The following AP3B1 variants were observed in gnomAD, a reference collection of about 807,000 sequenced individuals.
AP3B1 encodes adaptor related protein complex 3 subunit beta 1.
Under a neutral mutation model 132.5 loss-of-function variants are expected in AP3B1, and 61 were observed. The ratio of observed to expected loss-of-function variants is 0.46; its 90% CI spans 0.37 to 0.57. The LOEUF is 0.57. Ranked by LOEUF, AP3B1 falls within the 20% of genes least tolerant of loss-of-function variation. The probability of loss-of-function intolerance (pLI) is 0.00; values close to 1 mark genes in which losing one functional copy is unlikely to be tolerated. For synonymous variants in AP3B1, 388 were observed against 438.3 expected, an observed-to-expected ratio of 0.89 and a Z score of 1.43; for missense variants, 1,120 against 1,289.4, an observed-to-expected ratio of 0.87 and a Z score of 2.01.
In AP3B1 at chr5:78,267,546, GT is replaced by G. The variant is rs869312838; in HGVS notation, c.177del (p.Lys59AsnfsTer5). The G allele has an allele frequency of 4.3e-6, 7 of 1,611,484 alleles. No homozygotes were observed. The highest frequency in any genetic ancestry group is 5.9e-6 in the Non-Finnish European group (7 of 1,178,536). ...CCAACAATCCGCTTCATAGCATCCA[GT>G]TTAGCAGAATCTTTGTTGCTCTCTA... is the stretch of plus-strand genomic sequence containing the variant. ...QMLESNKDSA[K>X]LDAMKRIVGM... is the part of the protein sequence containing the mutation. On this transcript the variant is annotated frameshift_variant, in exon 2 of 27. Coordinates refer to ENST00000255194, the MANE Select transcript of AP3B1 (RefSeq NM_003664.5). LOFTEE classifies it high-confidence loss of function.
chr5:78,281,083 T>A (rs1245747278), intron 1 of AP3B1, among the ~76,000 whole-genome samples: 1 of 152,036 alleles, frequency 6.6e-6, no homozygotes, highest in African/African-American at 2.4e-5. Flanking sequence ...AGGAATAGAA[T>A]CTAAAAGTGC....
chr5:78,082,936 C>A (rs889443417), intron 22 of AP3B1, among the ~76,000 whole-genome samples: 1 of 152,050 alleles, frequency 6.6e-6, no homozygotes, highest in African/African-American at 2.4e-5. Context: ...CTGTCTCAGC[C>A]TCCCAAGTAG....
Position 78,098,978 on chromosome 5 carries a change from C to T in AP3B1, c.2470+1975G>A, listed in dbSNP as rs545364152. ...TGAACATTTATGTCCCTCCAAAATT[C>T]GTGTTGAAACCTAATCCAGACTATG... is the stretch of plus-strand genomic sequence containing the variant. On this transcript the variant is annotated intron_variant, in intron 21 of 26. Transcript: ENST00000255194. 5.9e-5 allele frequency among the ~76,000 whole-genome samples: 9 copies of T among 152,250 alleles called. No individual in the cohort carries two copies. In the South Asian group the frequency reaches 1.7e-3, roughly 28 times the overall value.
intron 7 of AP3B1, among the ~76,000 whole-genome samples, chr5:78,206,492 T>C (rs1312795975): frequency 6.6e-6 from 1 of 152,168 alleles, no homozygotes; most frequent in African/African-American, 2.4e-5. Flanking sequence ...AGACTGTTGA[T>C]TACCTCCAAC....
At chr5:78,096,182 C>T (rs547386190) in intron 21 of AP3B1, among the ~76,000 whole-genome samples, 1 of 152,324 alleles carries the variant, frequency 6.6e-6, no homozygotes, top group East Asian at 1.9e-4. Flanking sequence ...GGCTGGTTTT[C>T]GTATTTTTTT....
At chr5:78,025,329 G>A (rs958772598) in intron 24 of AP3B1, among the ~76,000 whole-genome samples, 2 of 152,204 alleles carry the variant, frequency 1.3e-5, no homozygotes, top group African/African-American at 2.4e-5. Flanking sequence ...AGAGAGAAGA[G>A]GCAGGAGATC....
chr5:78,140,540 C>T lies in AP3B1; in HGVS notation c.1650+603G>A, dbSNP rs1051270402. Among the ~76,000 whole-genome samples, 16 of 152,310 alleles carry T rather than the reference C, an allele frequency of 1.1e-4. No individual in the cohort carries two copies. The East Asian group carries it at 3.1e-3, about 29-fold the overall frequency. ...TCACTGTGTCCTCACATGGCAGAAGCAGCAAGCTAGCTCTCAGGGATCTCT... is the reference window on the plus strand; with the variant it reads ...TCACTGTGTCCTCACATGGCAGAAGTAGCAAGCTAGCTCTCAGGGATCTCT... On this transcript the variant is annotated intron_variant, in intron 15 of 26. Coordinates refer to ENST00000255194, the MANE Select transcript of AP3B1 (RefSeq NM_003664.5).
intron 11 of AP3B1, among the ~76,000 whole-genome samples, chr5:78,173,601 T>C (rs1341475099): frequency 6.6e-6 from 1 of 151,870 alleles, no homozygotes; most frequent in East Asian, 1.9e-4. Context: ...ATTTGTTTGG[T>C]ACATCTTCCT....
At chr5:78,040,417 T>C (rs1431219888) in intron 22 of AP3B1, among the ~76,000 whole-genome samples, 3 of 152,218 alleles carry the variant, frequency 2.0e-5, no homozygotes, top group African/African-American at 7.2e-5. Context: ...TTTGTAGACC[T>C]ACAATATAAT....
chr5:78,266,488 T>C (rs996349387), intron 2 of AP3B1, among the ~76,000 whole-genome samples: 1 of 152,176 alleles, frequency 6.6e-6, no homozygotes, highest in Admixed American at 6.5e-5. Context: ...AGCATGCTGA[T>C]ACCTGTTATT....
chr5:78,038,874 G>A (rs570046898), intron 23 of AP3B1, among the ~76,000 whole-genome samples, 169 bp downstream of exon 23: 17 of 152,214 alleles, frequency 1.1e-4, no homozygotes, highest in African/African-American at 4.1e-4. Flanking sequence ...TATCTTATAT[G>A]ATAAATTCAG....
At chr5:78,080,964 T>A (rs1414847891) in intron 22 of AP3B1, among the ~76,000 whole-genome samples, 1 of 152,146 alleles carries the variant, frequency 6.6e-6, no homozygotes, top group Admixed American at 6.5e-5. Context: ...ATCAGGTAAG[T>A]AAGTTTTCAG....
chr5:78,062,299 G>A (rs1197127200), intron 22 of AP3B1, among the ~76,000 whole-genome samples: 4 of 152,070 alleles, frequency 2.6e-5, no homozygotes, highest in Non-Finnish European at 4.4e-5. Context: ...AACTCAGCAG[G>A]ATTCCTTCTG....
intron 22 of AP3B1, among the ~76,000 whole-genome samples, chr5:78,052,757 A>C (rs905991317): frequency 6.6e-6 from 1 of 152,210 alleles, no homozygotes; most frequent in Non-Finnish European, 1.5e-5. Context: ...CTTCACTATC[A>C]ATACACTTAC....
chr5:78,281,434 C>CAAAAAAAAAAAAAAAAAAAAAAAAAAA (rs36002317), intron 1 of AP3B1, among the ~76,000 whole-genome samples: 2 of 68,256 alleles, frequency 2.9e-5, no homozygotes, highest in African/African-American at 6.1e-5. Context: ...AACTCTGCCT[C>CAAAAAAAAAAAAAAAAAAAAAAAAAAA]AAAAAAAAAA....
intron 2 of AP3B1, among the ~76,000 whole-genome samples, chr5:78,265,386 T>C (rs775177779): frequency 3.3e-5 from 5 of 151,878 alleles, no homozygotes; most frequent in Non-Finnish European, 7.4e-5. Flanking sequence ...AAAGCTGCAA[T>C]GTGTTACAAC....
At chr5:78,256,050 A>G (rs933256601) in intron 2 of AP3B1, among the ~76,000 whole-genome samples, 2 of 151,968 alleles carry the variant, frequency 1.3e-5, no homozygotes, top group African/African-American at 4.8e-5. Context: ...TTTCATAGCT[A>G]TAAGTGTCTA....
At chr5:78,244,773 G>T (rs575258680) in intron 2 of AP3B1, among the ~76,000 whole-genome samples, 1 of 152,226 alleles carries the variant, frequency 6.6e-6, no homozygotes, top group African/African-American at 2.4e-5. Flanking sequence ...GAGGAGCGTG[G>T]ATCACAAGGT....
chr5:78,269,841 A>T (rs925432062), intron 1 of AP3B1, among the ~76,000 whole-genome samples: 2 of 152,168 alleles, frequency 1.3e-5, no homozygotes, highest in African/African-American at 4.8e-5. Flanking sequence ...AGTCTAATTT[A>T]AAAAGTGGGG....
Sources: gnomAD v4.1 joint callset for allele counts (sites outside exome capture counted in the v4.1 genomes callset) on GRCh38, gnomAD v4.1.1 for gene constraint, MANE v1.5 for transcripts, NCBI Gene and HGNC (gene_info 2026-07-23, HGNC 2026-07-21) for gene names.